Variants in GAMT observed in about 807,000 individuals in gnomAD.
GAMT encodes epididymis secretory protein Li 20.
A neutral mutation model predicts 26.9 loss-of-function variants in GAMT; 26 were observed. That is an observed-to-expected ratio of 0.97 (90% CI 0.71 to 1.34). GAMT has a LOEUF of 1.34. Ranked by LOEUF, GAMT falls within the 40% of genes most tolerant of loss-of-function variation. The pLI is 0.00. For synonymous variants in GAMT, 169 were observed against 149.6 expected (o/e 1.13, Z -0.95); for missense variants, 412 against 345.0 (o/e 1.19, Z -1.54).
chr19:1,400,469 G>A (rs1165263675), intron 1 of GAMT, among the ~76,000 whole-genome samples: 1 of 152,214 alleles, frequency 6.6e-6, no homozygotes. Context: ...GACCAGCCAG[G>A]GAGGCCGAAG....
chr19:1,400,077 AG>A, intron 1 of GAMT, 139 bp from the exon 2 acceptor site: 4 of 607,234 alleles, frequency 6.6e-6, no homozygotes, highest in Non-Finnish European at 8.9e-6. Context: ...GTCTGCCTGG[AG>A]GGGGGCGTGC....
Position 1,399,645 on chromosome 19 carries a change from C to A in GAMT, c.328-58G>T. ...GGTAGAGAGGTCCCCAGGATCTCCC[C>A]ACCTGCAGAAAGGGAGCGGCCAGGG... On this transcript the variant is annotated intron_variant, in intron 2 of 5. Coordinates refer to ENST00000252288, the MANE Select transcript of GAMT (RefSeq NM_000156.6). The surrounding 1 kb of genome is among the most constrained non-coding windows in gnomAD (Gnocchi z 6.2). The A allele has an allele frequency of 6.4e-7, 1 of 1,566,436 alleles. No individual in the cohort carries two copies. The highest frequency in any genetic ancestry group is 2.3e-5 in the East Asian group (1 of 43,710).
Position 1,397,074 on chromosome 19 carries a change from G to GT in GAMT, c.*284dup. On this transcript the variant is annotated 3_prime_UTR_variant, in exon 6 of 6. Coordinates refer to ENST00000252288, the MANE Select transcript of GAMT (RefSeq NM_000156.6). The stretch of plus-strand genomic sequence containing the variant: ...GGAGGTGAGGGAGCAGCCGCTGGAA[G>GT]TAACAGTCGCACGCTCACTGCCGAC... 1 of 439,634 alleles carries GT rather than the reference G, an allele frequency of 2.3e-6. No homozygotes were observed. Among genetic ancestry groups the GT allele is most frequent in the Non-Finnish European group, 4.2e-6 (1 of 238,938 alleles). The allele number at this position is 439,634 out of a possible 1,614,324, so 27.2% of individuals were successfully genotyped here.
rs752364729 is a variant in GAMT at position 1,399,892 on chromosome 19, T to G, written c.228A>C (p.Ser76=). Residue 76 remains serine, a synonymous_variant, in exon 2 of 6, where the codon TCA becomes TCC. Coordinates refer to ENST00000252288, the MANE Select transcript of GAMT (RefSeq NM_000156.6). This position sits in a 1 kb window ranked among gnomAD's most constrained non-coding sequence, Gnocchi z 6.2. ...CATCAATGGGCGCCTCCTGCACCTT[T>G]GACGCTGCGATGGCCATGCCAAAGC... The part of the protein sequence containing the change: ...EVGFGMAIAA[S]KVQEAPIDEH... 6.2e-7 allele frequency: 1 copy of G among 1,608,682 alleles called. No homozygotes were observed. Among genetic ancestry groups the G allele is most frequent in the South Asian group, 1.1e-5 (1 of 89,980 alleles).
chr19:1,399,308 A>G lies in GAMT; in HGVS notation c.392-113T>C. ...TGCAGTGAGACGGGGCCGTGGGTAG[A>G]GGTGGGGCTCCCACACAGGCTTGAG... On this transcript the variant is annotated intron_variant, in intron 3 of 5. Coordinates refer to ENST00000252288, the MANE Select transcript of GAMT (RefSeq NM_000156.6). This position sits in a 1 kb window ranked among gnomAD's most constrained non-coding sequence, Gnocchi z 6.2. 7.9e-7 allele frequency: 1 copy of G among 1,258,384 alleles called. No homozygotes were observed. The highest frequency in any genetic ancestry group is 1.2e-6 in the Non-Finnish European group (1 of 865,058). The allele number at this position is 1,258,384 out of a possible 1,614,324, so 78.0% of individuals were successfully genotyped here.
chr19:1,401,264 C>G (rs772261734), intron 1 of GAMT, 32 bp downstream of exon 1: 1 of 1,413,400 alleles, frequency 7.1e-7, no homozygotes, highest in Non-Finnish European at 9.2e-7. Context: ...CCCCTGCGCC[C>G]CCGGGGGCGG....
rs765014324 is a variant in GAMT, at chr19:1,399,011, G to A, written c.475C>T (p.Leu159=). Residue 159 remains leucine (L), a synonymous_variant, in exon 5 of 6, where the codon CTG becomes TTG. Transcript: ENST00000252288. The surrounding 1 kb of genome is among the most constrained non-coding windows in gnomAD (Gnocchi z 6.2). ...FNFIKNHAFR[L]LKPGGVLTYC... ...GTGAGGACGCCCCCCGGCTTCAGCA[G>A]GCGAAAGGCGTGGTTCTGTGGAAGG... is the stretch of plus-strand genomic sequence containing the variant. 6 of 1,613,492 alleles carry A rather than the reference G, an allele frequency of 3.7e-6. No homozygotes were observed. In the East Asian group the frequency reaches 1.3e-4, roughly 36 times the overall value.
chr19:1,401,360 C>A lies in GAMT; in HGVS notation c.117G>T (p.Lys39Asn). ...GGGTCTCCCAGCGCTCCATCACCGG[C>A]TTGCCCAGGATGCGCAGGTGCGTGT... ...AADTHLRILG[K>N]PVMERWETPY... Residue 39 changes from lysine to asparagine, a missense_variant, in exon 1 of 6, where the codon AAG (lysine) becomes AAT (asparagine). Physicochemically the swap from Lys to Asn is moderately conservative, Grantham distance 94. Transcript: ENST00000252288. The A allele has an allele frequency of 6.5e-7, 1 of 1,530,412 alleles. No individual in the cohort carries two copies. Among genetic ancestry groups the A allele is most frequent in the East Asian group, 2.6e-5 (1 of 37,828 alleles). The allele number at this position is 1,530,412 out of a possible 1,614,324, so 94.8% of individuals were successfully genotyped here. A position where few individuals can be genotyped will look rare whatever the true frequency, so the allele number is the denominator to read the frequency against.
chr19:1,400,443 C>T (rs2082627478), intron 1 of GAMT, among the ~76,000 whole-genome samples: 1 of 152,164 alleles, frequency 6.6e-6, no homozygotes, highest in African/African-American at 2.4e-5. Context: ...CCCTGGCCAG[C>T]GGCCAGAGAG....
In GAMT at chr19:1,399,622, TAG is replaced by T. The variant is rs751259032; in HGVS notation, c.328-37_328-36del. ...GGGAAAAGAAAAAGAGAGGACAGGG[TAG>T]AGAGGTCCCCAGGATCTCCCCACCT... is the stretch of plus-strand genomic sequence containing the variant. On this transcript the variant is annotated intron_variant, in intron 2 of 5. Transcript: ENST00000252288. This position sits in a 1 kb window ranked among gnomAD's most constrained non-coding sequence, Gnocchi z 6.2. 1 of 1,597,800 alleles carries T rather than the reference TAG, an allele frequency of 6.3e-7. No homozygotes were observed. Among genetic ancestry groups the T allele is most frequent in the South Asian group, 1.1e-5 (1 of 89,672 alleles).
rs2144634556 is a variant in GAMT, at chr19:1,398,003, G to A, written c.571-504C>T. 2.9e-6 allele frequency: 3 copies of A among 1,032,270 alleles called. No homozygotes were observed. The South Asian group carries it at 1.1e-4, about 37-fold the overall frequency. 63.9% of individuals were successfully genotyped at this position (1,032,270 alleles called of 1,614,324 possible). A position where few individuals can be genotyped will look rare whatever the true frequency, so the allele number is the denominator to read the frequency against. ...AAAGACAGCCAGGTGGAGGCAGCTGGAGGGAGGGGAACACGCAGGGCTTAG... is the reference window on the plus strand; with the variant it reads ...AAAGACAGCCAGGTGGAGGCAGCTGAAGGGAGGGGAACACGCAGGGCTTAG... On this transcript the variant is annotated intron_variant, in intron 5 of 5. Transcript: ENST00000252288.
intron 5 of GAMT, chr19:1,397,859 G>A (rs1169751269): frequency 7.8e-6 from 9 of 1,153,696 alleles, no homozygotes; most frequent in Non-Finnish European, 1.1e-6. Context: ...TGCCCCAGGG[G>A]CCACAGGCAC....
chr19:1,397,509 G>C lies in GAMT; in HGVS notation c.571-10C>G. The C allele has an allele frequency of 6.2e-7, 1 of 1,601,450 alleles. No individual in the cohort carries two copies. On this transcript the variant is annotated splice_polypyrimidine_tract_variant and intron_variant, in intron 5 of 5. Coordinates refer to ENST00000252288, the MANE Select transcript of GAMT (RefSeq NM_000156.6). ...CGGGCACCTGCGTCTCCTGGTCGGG[G>C]ATGGCACCAGGTCACCTCTGAGGGC...
chr19:1,398,093 AT>A lies in GAMT; in HGVS notation c.571-595del, dbSNP rs1008951249. 1.2e-4 allele frequency: 123 copies of A among 993,134 alleles called. No homozygotes were observed. In the African/African-American group the frequency reaches 1.9e-3, roughly 15 times the overall value. 61.5% of individuals were successfully genotyped at this position (993,134 alleles called of 1,614,324 possible). A position where few individuals can be genotyped will look rare whatever the true frequency, so the allele number is the denominator to read the frequency against. On this transcript the variant is annotated intron_variant, in intron 5 of 5. Coordinates refer to ENST00000252288, the MANE Select transcript of GAMT (RefSeq NM_000156.6). ...GAGCTGGTGAGGGACTTTGATTTCC[AT>A]TTTTTTTGTTTTTGTTTTGTTGAGA...
chr19:1,397,560 C>T (rs1174296675), intron 5 of GAMT, 61 bp from the exon 6 acceptor site: 1 of 1,590,654 alleles, frequency 6.3e-7, no homozygotes, highest in Non-Finnish European at 8.5e-7. Context: ...CACCCTGGCG[C>T]CCACCCCTCA....
At chr19:1,401,179 G>T in intron 1 of GAMT, 117 bp downstream of exon 1, 1 of 927,036 alleles carries the variant, frequency 1.1e-6, no homozygotes, top group Non-Finnish European at 1.5e-6. Context: ...CACTTCCCAG[G>T]CGAGGAGACA....
intron 5 of GAMT, chr19:1,398,164 C>G (rs2082611351): frequency 1.2e-6 from 1 of 851,688 alleles, no homozygotes; most frequent in Non-Finnish European, 1.4e-6. Context: ...ACGGTGCAAT[C>G]TCGGCTCACA....
Position 1,397,224 on chromosome 19 carries a change from G to C in GAMT, c.*135C>G. Reference sequence around the variant, plus strand: ...GCTGGGATCAGCCCTGGGCTGGTGGGACCCCTCACAGAGAAGCCGGGAAAG... The same window carrying C: ...GCTGGGATCAGCCCTGGGCTGGTGGCACCCCTCACAGAGAAGCCGGGAAAG... On this transcript the variant is annotated 3_prime_UTR_variant, in exon 6 of 6. Coordinates refer to ENST00000252288, the MANE Select transcript of GAMT (RefSeq NM_000156.6). The C allele has an allele frequency of 1.9e-6, 2 of 1,071,272 alleles. No homozygotes were observed. Among genetic ancestry groups the C allele is most frequent in the South Asian group, 3.0e-5 (2 of 66,458 alleles). 66.4% of individuals were successfully genotyped at this position (1,071,272 alleles called of 1,614,324 possible).
chr19:1,401,410 C>T lies in GAMT; in HGVS notation c.67G>A (p.Ala23Thr), dbSNP rs773566330. Reference protein sequence around the residue: ...GENCSPAWGAAPAAYDAADTH... With the variant: ...GENCSPAWGATPAAYDAADTH... Reference sequence around the variant, plus strand: ...TCCGCTGCGTCGTAGGCCGCGGGCGCCGCCCCCCACGCGGGGCTGCAGTTC... The same window carrying T: ...TCCGCTGCGTCGTAGGCCGCGGGCGTCGCCCCCCACGCGGGGCTGCAGTTC... Residue 23 changes from alanine (A) to threonine (T), a missense_variant, in exon 1 of 6, where the codon GCG becomes ACG. Ala to Thr is a moderately conservative substitution (Grantham distance 58). Transcript: ENST00000252288. 2 of 1,452,612 alleles carry T rather than the reference C, an allele frequency of 1.4e-6. No homozygotes were observed. Among genetic ancestry groups the T allele is most frequent in the South Asian group, 1.3e-5 (1 of 74,444 alleles). The allele number at this position is 1,452,612 out of a possible 1,614,324, so 90.0% of individuals were successfully genotyped here.
Sources: allele counts gnomAD v4.1 joint callset (sites outside exome capture counted in the v4.1 genomes callset), GRCh38; gene constraint gnomAD v4.1.1; non-coding constraint Gnocchi (gnomAD v3.1); transcripts MANE v1.5; gene names NCBI Gene and HGNC (gene_info 2026-07-23, HGNC 2026-07-21).